The following KHDC1 variants were observed in gnomAD, a reference collection of about 807,000 sequenced individuals.
KHDC1 encodes KH domain containing 1.
KHDC1 carries 21 observed loss-of-function variants against 24.7 expected under a neutral mutation model. The ratio of observed to expected loss-of-function variants is 0.85; its 90% CI spans 0.60 to 1.23. The LOEUF is 1.23. KHDC1 is among the 50% of genes most tolerant of loss of function. The pLI is 0.00. For missense variants in KHDC1, 274 were observed against 298.5 expected (o/e 0.92, Z 0.61); for synonymous variants, 98 against 111.7 (o/e 0.88, Z 0.77).
In KHDC1 at chr6:73,266,401, A is replaced by G. The variant is rs550404878; in HGVS notation, c.207-23871T>C. Among the ~76,000 whole-genome samples the G allele has an allele frequency of 9.5e-4, 145 of 152,358 alleles. 1 individual carries two copies. Among genetic ancestry groups the G allele is most frequent in the African/African-American group, 3.4e-3 (140 of 41,588 alleles). On this transcript the variant is annotated intron_variant, in intron 2 of 4. Coordinates refer to ENST00000370384, the Ensembl canonical transcript of KHDC1. The stretch of plus-strand genomic sequence containing the variant: ...CTTATCATATAATAGGCACTACTGC[A>G]TGGATATATGTTGTCATTTACTGAG...
At chr6:73,263,219 C>G in intron 2 of KHDC1, 23 bp from the exon 1 acceptor site, 8 of 987,094 alleles carry the variant, frequency 8.1e-6, no homozygotes, top group Non-Finnish European at 9.6e-6. Context: ...GCCGGAAGCG[C>G]GCGGCTGCGG....
rs555533777 is a variant in KHDC1 at position 73,243,301 on chromosome 6, A to T, written c.207-771T>A. 2.6e-5 allele frequency among the ~76,000 whole-genome samples: 4 copies of T among 152,270 alleles called. No homozygotes were observed. The East Asian group carries it at 7.7e-4, about 29-fold the overall frequency. On this transcript the variant is annotated intron_variant, in intron 2 of 4. Transcript: ENST00000370384. The stretch of plus-strand genomic sequence containing the variant: ...GAGATGTTTATGTTTGGTAGGGAAG[A>T]TTCAACTATGCCTGTCAGCTCCCAA...
chr6:73,298,459 A>G (rs1767802740), intron 1 of KHDC1, among the ~76,000 whole-genome samples: 1 of 77,090 alleles, frequency 1.3e-5, no homozygotes, highest in Non-Finnish European at 2.2e-5. Context: ...TTTTTGAGAC[A>G]GAGTCTTGCT....
At chr6:73,283,339 T>TAAA (rs59943075) in intron 2 of KHDC1, among the ~76,000 whole-genome samples, 23 of 151,816 alleles carry the variant, frequency 1.5e-4, no homozygotes, top group South Asian at 2.1e-4. Context: ...TTTTTTTTTT[T>TAAA]AAAAAGAAGC....
At chr6:73,283,641 CTTTT>C (rs35786607) in intron 2 of KHDC1, among the ~76,000 whole-genome samples, 3 of 134,086 alleles carry the variant, frequency 2.2e-5, no homozygotes, top group Admixed American at 7.5e-5. Context: ...GGTTTTCATT[CTTTT>C]TTTTTTTTTT....
intron 2 of KHDC1, among the ~76,000 whole-genome samples, chr6:73,260,990 T>C (rs561420230): frequency 6.6e-6 from 1 of 152,388 alleles, no homozygotes; most frequent in South Asian, 2.1e-4. Flanking sequence ...TTTTAAACTT[T>C]ATTCATGGCA....
intron 2 of KHDC1, chr6:73,274,110 A>C (rs530498619): frequency 1.7e-4 from 26 of 152,354 alleles, no homozygotes; most frequent in African/African-American, 5.5e-4. Flanking sequence ...TTCTCTAAAA[A>C]AACAAAATGA....
chr6:73,260,816 T>C (rs1766966624), intron 2 of KHDC1, among the ~76,000 whole-genome samples: 1 of 152,218 alleles, frequency 6.6e-6, no homozygotes, highest in African/African-American at 2.4e-5. Flanking sequence ...CTAGTGCAGT[T>C]AAGCATCTTT....
In KHDC1 at chr6:73,241,684, C is replaced by T. The variant is rs199979331; in HGVS notation, c.559G>A (p.Asp187Asn). 1,820 of 1,614,150 alleles carry T rather than the reference C, an allele frequency of 1.1e-3. 1 individual carries two copies. The highest frequency in any genetic ancestry group is 1.5e-3 in the Non-Finnish European group (1,747 of 1,180,038). The change falls in exon 5 of 5, where the codon GAT becomes AAT. Residue 187 changes from aspartate (D) to asparagine (N), a missense_variant. Physicochemically the swap from Asp to Asn is conservative, Grantham distance 23. Transcript: ENST00000370384. Reference sequence around the variant, plus strand: ...ACACTAATGGAGGTGACCAGGTCATCGTTGGTCAGAGGCTGGCTTCGGACA... The same window carrying T: ...ACACTAATGGAGGTGACCAGGTCATTGTTGGTCAGAGGCTGGCTTCGGACA...
At chr6:73,280,303 A>G (rs1767379748) in intron 2 of KHDC1, among the ~76,000 whole-genome samples, 1 of 152,018 alleles carries the variant, frequency 6.6e-6, no homozygotes, top group South Asian at 2.1e-4. Context: ...AACCACAGGC[A>G]TGCACCACCA....
chr6:73,273,114 C>T (rs1355482501), intron 2 of KHDC1, among the ~76,000 whole-genome samples: 1 of 151,172 alleles, frequency 6.6e-6, no homozygotes, highest in Non-Finnish European at 1.5e-5. Flanking sequence ...CCACCTCGGC[C>T]TCCCAAAGTG....
At chr6:73,269,577 G>A (rs1767144546) in intron 2 of KHDC1, 1 of 152,124 alleles carries the variant, frequency 6.6e-6, no homozygotes, top group Non-Finnish European at 1.5e-5. Flanking sequence ...TCATTCTTAC[G>A]AATGCCCTCC....
chr6:73,290,969 A>T, intron 2 of KHDC1: 1 of 352,298 alleles, frequency 2.8e-6, no homozygotes. Context: ...CATGTGTTGC[A>T]CCATCTCCCA....
intron 2 of KHDC1, 84 bp from the exon 2 acceptor site, chr6:73,242,614 CA>C (rs1210862624): frequency 1.3e-6 from 2 of 1,560,928 alleles, no homozygotes; most frequent in Non-Finnish European, 1.7e-6. Context: ...CTGTCCTTAA[CA>C]TAGGAACCCA....
At chr6:73,255,251 G>T (rs1766860997) in intron 2 of KHDC1, among the ~76,000 whole-genome samples, 1 of 124,676 alleles carries the variant, frequency 8.0e-6, no homozygotes, top group Non-Finnish European at 1.6e-5. Flanking sequence ...GGGGTCTCTC[G>T]CTCTGTCACC....
chr6:73,292,814 C>G, intron 1 of KHDC1: 1 of 704,972 alleles, frequency 1.4e-6, no homozygotes, highest in Non-Finnish European at 2.7e-6. Flanking sequence ...ATATAAAGAC[C>G]CAATTACAGA....
chr6:73,272,208 C>T (rs945136745), intron 2 of KHDC1, among the ~76,000 whole-genome samples: 6 of 151,526 alleles, frequency 4.0e-5, no homozygotes, highest in Admixed American at 1.3e-4. Context: ...CTGTCGCCCA[C>T]GCTGGAGTGC....
At chr6:73,269,143 A>G (rs1767136021) in intron 2 of KHDC1, 1 of 153,506 alleles carries the variant, frequency 6.5e-6, no homozygotes, top group Non-Finnish European at 1.4e-5. Flanking sequence ...GCCCGGGGCC[A>G]GCAGGGCCGG....
At chr6:73,251,384 G>A (rs1766774604) in intron 2 of KHDC1, among the ~76,000 whole-genome samples, 1 of 152,106 alleles carries the variant, frequency 6.6e-6, no homozygotes, top group South Asian at 2.1e-4. Context: ...AATACACTGG[G>A]AATAGGTCCA....
Sources: gnomAD v4.1 joint callset for allele counts (sites outside exome capture counted in the v4.1 genomes callset) on GRCh38, gnomAD v4.1.1 for gene constraint, MANE v1.5 for transcripts, NCBI Gene and HGNC (gene_info 2026-07-23, HGNC 2026-07-21) for gene names.